The following PIEZO2 variants were observed in gnomAD, a reference collection of about 807,000 sequenced individuals.
The protein encoded by PIEZO2 is piezo-type mechanosensitive ion channel component 2.
In PIEZO2, 172 loss-of-function variants were observed where a neutral mutation model predicts 337.3. The observed-to-expected ratio is 0.51, with a 90% CI of 0.45 to 0.58. The LOEUF (loss-of-function observed/expected upper bound fraction) is 0.58. Among genes scored for constraint, PIEZO2 ranks in the 20% least tolerant of loss-of-function variants. The pLI, the probability that PIEZO2 is intolerant of heterozygous loss-of-function variation, is 0.00. For synonymous variants in PIEZO2, 1,251 were observed against 1,228.5 expected (o/e 1.02, Z -0.38); for missense variants, 3,028 against 3,391.3 (o/e 0.89, Z 2.66).
In PIEZO2 at chr18:11,031,294, T is replaced by C. The variant is rs2584736; in HGVS notation, c.160+34833A>G. On this transcript the variant is annotated intron_variant, in intron 2 of 55. Transcript: ENST00000674853. The surrounding 1 kb of genome is among the most constrained non-coding windows in gnomAD (Gnocchi z 4.7). Reference sequence around the variant, plus strand: ...GATTACAGGCGTGAGCCACTGCGCCTGGCCTGGAATTTTTTTTTAATAAGC... The same window carrying C: ...GATTACAGGCGTGAGCCACTGCGCCCGGCCTGGAATTTTTTTTTAATAAGC... Among the ~76,000 whole-genome samples, 96,436 of 151,646 alleles carry C rather than the reference T, an allele frequency of 0.64. 31,008 individuals are homozygous for C. Among genetic ancestry groups the C allele is most frequent in the African/African-American group, 0.72 (29,830 of 41,350 alleles).
At chr18:10,751,056 C>T (rs987529072) in intron 28 of PIEZO2, among the ~76,000 whole-genome samples, 12 of 152,248 alleles carry the variant, frequency 7.9e-5, no homozygotes, top group Admixed American at 2.0e-4. Flanking sequence ...GAAGCCTGTT[C>T]CCAGCTTATC....
At chr18:11,023,934 G>A (rs1010512913) in intron 2 of PIEZO2, among the ~76,000 whole-genome samples, 5 of 152,202 alleles carry the variant, frequency 3.3e-5, no homozygotes, top group African/African-American at 9.6e-5. Context: ...CTGGCCGGCC[G>A]TTCTGAGTGC....
chr18:10,809,256 CTCTCT>C (rs2040099942), intron 7 of PIEZO2, among the ~76,000 whole-genome samples: 1 of 105,578 alleles, frequency 9.5e-6, no homozygotes, highest in Admixed American at 1.0e-4. Context: ...CTCTCTCTCT[CTCTCT>C]TTTTTTTTTT....
rs1436111466 is a variant in PIEZO2, at chr18:11,078,673, C to G, written c.65-12451G>C. Among the ~76,000 whole-genome samples the G allele has an allele frequency of 6.6e-6, 1 of 152,122 alleles. No individual in the cohort carries two copies. Among genetic ancestry groups the G allele is most frequent in the Non-Finnish European group, 1.5e-5 (1 of 68,024 alleles). On this transcript the variant is annotated intron_variant, in intron 1 of 55. Coordinates refer to ENST00000674853, the MANE Select transcript of PIEZO2 (RefSeq NM_001378183.1). This position sits in a 1 kb window ranked among gnomAD's most constrained non-coding sequence, Gnocchi z 5.3. ...TGTCTGGGGATTATGCTTATGATAC[C>G]ATACTAATGAGACACATGCGGCCTC... is the stretch of plus-strand genomic sequence containing the variant.
At chr18:10,797,285 A>G (rs1386077405) in intron 12 of PIEZO2, 89 bp downstream of exon 12, 14 of 1,170,192 alleles carry the variant, frequency 1.2e-5, no homozygotes, top group Non-Finnish European at 1.7e-5. Context: ...TTATATATGT[A>G]CCATCATATT....
chr18:10,759,909 T>C lies in PIEZO2; in HGVS notation c.3451A>G (p.Thr1151Ala), dbSNP rs749020626. The C allele has an allele frequency of 6.5e-7, 1 of 1,536,686 alleles. No homozygotes were observed. Among genetic ancestry groups the C allele is most frequent in the Non-Finnish European group, 8.7e-7 (1 of 1,146,468 alleles). The change falls in exon 25 of 56, where the codon ACC (threonine) becomes GCC (alanine). Residue 1151 changes from threonine to alanine, a missense_variant and splice_region_variant. Around this residue, in one of 5 missense-constraint regions of PIEZO2, gnomAD observed 1,925 missense variants for 2,051.9 expected, o/e 0.94. Coordinates refer to ENST00000674853, the MANE Select transcript of PIEZO2 (RefSeq NM_001378183.1). This position sits in a 1 kb window ranked among gnomAD's most constrained non-coding sequence, Gnocchi z 5.5. ...ACGTTAACTGACATTAGGAAACAGG[T>C]CTGTGTAAAGATGAAAAGAGGCAAA... The part of the protein sequence containing the change: ...NYFFYKFGLE[T>A]CFLMSVNVIG...
intron 2 of PIEZO2, among the ~76,000 whole-genome samples, chr18:11,065,738 C>T (rs766673729): frequency 1.1e-4 from 16 of 152,184 alleles, no homozygotes; most frequent in Non-Finnish European, 1.9e-4. Flanking sequence ...AAATGCTGCT[C>T]GGCCTCTTCC....
At chr18:10,787,240 C>A in intron 15 of PIEZO2, 56 bp from the exon 16 acceptor site, 1 of 1,440,544 alleles carries the variant, frequency 6.9e-7, no homozygotes, top group South Asian at 1.4e-5. Context: ...TAGGAAAACT[C>A]ACAAAAATAT....
chr18:10,916,434 G>C (rs75639551), intron 3 of PIEZO2, among the ~76,000 whole-genome samples: 1 of 152,138 alleles, frequency 6.6e-6, no homozygotes, highest in Admixed American at 6.5e-5. Context: ...TCCTCGAGGC[G>C]AGGAGGCAGA....
At position 10,824,850 on chromosome 18, in the gene PIEZO2, T is replaced by A. The variant is rs1249526741; in HGVS notation, c.918-17576A>T. Among the ~76,000 whole-genome samples the A allele has an allele frequency of 6.6e-6, 1 of 152,168 alleles. No homozygotes were observed. Among genetic ancestry groups the A allele is most frequent in the Admixed American group, 6.5e-5 (1 of 15,274 alleles). Reference sequence around the variant, plus strand: ...ATATTTTATTGAAATCTTCTTAGTTTTCACCTAATGTCATTTTCTTTATTT... The same window carrying A: ...ATATTTTATTGAAATCTTCTTAGTTATCACCTAATGTCATTTTCTTTATTT... On this transcript the variant is annotated intron_variant, in intron 7 of 55. Coordinates refer to ENST00000674853, the MANE Select transcript of PIEZO2 (RefSeq NM_001378183.1). This position sits in a 1 kb window ranked among gnomAD's most constrained non-coding sequence, Gnocchi z 4.4.
chr18:10,972,293 G>A (rs2034274866), intron 3 of PIEZO2, among the ~76,000 whole-genome samples: 1 of 151,768 alleles, frequency 6.6e-6, no homozygotes, highest in Admixed American at 6.6e-5. Flanking sequence ...TTCTTCTAAA[G>A]TTCTACAATG....
chr18:11,134,002 G>A (rs1194636419), intron 1 of PIEZO2, among the ~76,000 whole-genome samples: 3 of 152,012 alleles, frequency 2.0e-5, no homozygotes, highest in African/African-American at 7.3e-5. Context: ...GCTTTATAGG[G>A]CAAGTTAAGG....
rs1283426554 is a variant in PIEZO2, at chr18:10,846,773, C to T, written c.917+8580G>A. 2.0e-5 allele frequency among the ~76,000 whole-genome samples: 3 copies of T among 152,110 alleles called. No homozygotes were observed. Among genetic ancestry groups the T allele is most frequent in the African/African-American group, 7.2e-5 (3 of 41,418 alleles). On this transcript the variant is annotated intron_variant, in intron 7 of 55. Transcript: ENST00000674853. The surrounding 1 kb of genome is among the most constrained non-coding windows in gnomAD (Gnocchi z 4.1). The stretch of plus-strand genomic sequence containing the variant: ...TGCATGGGTAGGTTTAAGGGACAAA[C>T]AGGAGCCAGTGAGAGCAGTGAGCAG...
At chr18:10,932,255 GT>G in intron 3 of PIEZO2, among the ~76,000 whole-genome samples, 1 of 152,092 alleles carries the variant, frequency 6.6e-6, no homozygotes, top group Non-Finnish European at 1.5e-5. Context: ...AATTAGCAGG[GT>G]ATGGTGGCAC....
At position 10,794,738 on chromosome 18, in the gene PIEZO2, C is replaced by G. The variant is rs1242467105; in HGVS notation, c.1758+34G>C. The G allele has an allele frequency of 1.4e-6, 2 of 1,404,948 alleles. No individual in the cohort carries two copies. The highest frequency in any genetic ancestry group is 1.9e-6 in the Non-Finnish European group (2 of 1,047,304). 87.0% of individuals were successfully genotyped at this position (1,404,948 alleles called of 1,614,324 possible). ...TATGATGATGATTGTGGTTTTGTGT[C>G]ATTGTTTTGTTTTATTGTATTCTAT... On this transcript the variant is annotated intron_variant, in intron 13 of 55. Coordinates refer to ENST00000674853, the MANE Select transcript of PIEZO2 (RefSeq NM_001378183.1). The surrounding 1 kb of genome is among the most constrained non-coding windows in gnomAD (Gnocchi z 6.6).
At chr18:10,753,826 T>C (rs1407843903) in intron 27 of PIEZO2, among the ~76,000 whole-genome samples, 1 of 152,222 alleles carries the variant, frequency 6.6e-6, no homozygotes, top group Non-Finnish European at 1.5e-5. Flanking sequence ...CCTTTATTCT[T>C]TTTAAAGTAA....
rs111847248 is a variant in PIEZO2 at position 11,004,914 on chromosome 18, T to C, written c.161-25254A>G. On this transcript the variant is annotated intron_variant, in intron 2 of 55. Transcript: ENST00000674853. ...GCAGGAGACAAGTGCCATGCCCCTC[T>C]GGACACTCCTGAGTGTCTAGCATGG... Among the ~76,000 whole-genome samples, 344 of 152,360 alleles carry C rather than the reference T, an allele frequency of 2.3e-3. 3 individuals are homozygous for C. Among genetic ancestry groups the C allele is most frequent in the African/African-American group, 7.8e-3 (325 of 41,588 alleles).
chr18:11,091,400 GA>G (rs1160472625), intron 1 of PIEZO2, among the ~76,000 whole-genome samples: 4 of 141,508 alleles, frequency 2.8e-5, no homozygotes, highest in Admixed American at 2.1e-4. Flanking sequence ...AAAAAAAAAA[GA>G]AAAAAAGAAA....
intron 4 of PIEZO2, among the ~76,000 whole-genome samples, chr18:10,887,041 G>A (rs1285412902): frequency 6.7e-6 from 1 of 149,892 alleles, no homozygotes; most frequent in Non-Finnish European, 1.5e-5. Flanking sequence ...ACGGAGAGTT[G>A]TGGGAGAGTG....
Sources: gnomAD v4.1 joint callset for allele counts (sites outside exome capture counted in the v4.1 genomes callset) on GRCh38, gnomAD v4.1.1 for gene constraint, gnomAD v4.1.1 regional missense constraint, Gnocchi (gnomAD v3.1) non-coding constraint, MANE v1.5 for transcripts, NCBI Gene and HGNC (gene_info 2026-07-23, HGNC 2026-07-21) for gene names.